The following RNLS variants were observed in gnomAD, a reference collection of about 807,000 sequenced individuals.
The protein encoded by RNLS is renalase.
In RNLS, 39 loss-of-function variants were observed where a neutral mutation model predicts 39.8. The observed-to-expected ratio is 0.98, with a 90% CI of 0.76 to 1.28. RNLS has a LOEUF of 1.28. RNLS is among the 50% of genes most tolerant of loss of function. The probability of loss-of-function intolerance (pLI) is 0.00; values close to 1 mark genes in which losing one functional copy is unlikely to be tolerated. For synonymous variants in RNLS, 147 were observed against 150.7 expected (o/e 0.98, Z 0.18); for missense variants, 410 against 413.3 (o/e 0.99, Z 0.07).
chr10:88,416,460 T>A (rs1340303527), intron 4 of RNLS, among the ~76,000 whole-genome samples: 3 of 151,860 alleles, frequency 2.0e-5, no homozygotes, highest in Admixed American at 6.6e-5. Context: ...TCCATGTTGG[T>A]CAGGCTAGTC....
intron 4 of RNLS, among the ~76,000 whole-genome samples, chr10:88,451,323 T>C (rs1842348198): frequency 6.6e-6 from 1 of 152,124 alleles, no homozygotes; most frequent in African/African-American, 2.4e-5. Context: ...TAGTTGGGGA[T>C]AGAAGTGACT....
At chr10:88,385,304 T>A (rs766302748) in intron 4 of RNLS, among the ~76,000 whole-genome samples, 3 of 152,198 alleles carry the variant, frequency 2.0e-5, no homozygotes, top group Non-Finnish European at 2.9e-5. Flanking sequence ...TCAGGTAAAC[T>A]ATGAAATTAT....
At chr10:88,329,390 G>A (rs535286861) in intron 5 of RNLS, among the ~76,000 whole-genome samples, 1 of 152,126 alleles carries the variant, frequency 6.6e-6, no homozygotes, top group East Asian at 1.9e-4. Context: ...GTCCTTTGCA[G>A]TTAATTTTTC....
In RNLS at chr10:88,518,503, C is replaced by T. The variant is rs564143434; in HGVS notation, c.526+54400G>A. Reference sequence around the variant, plus strand: ...TGTCATTTACATTTGTGACATTTAACAAAATTGCAATTGAATAAATATCAG... The same window carrying T: ...TGTCATTTACATTTGTGACATTTAATAAAATTGCAATTGAATAAATATCAG... On this transcript the variant is annotated intron_variant, in intron 4 of 6. Transcript: ENST00000331772. 4.6e-5 allele frequency among the ~76,000 whole-genome samples: 7 copies of T among 152,030 alleles called. No individual in the cohort carries two copies. In the South Asian group the frequency reaches 1.5e-3, roughly 32 times the overall value.
At chr10:88,575,339 T>G (rs1289493254) in intron 3 of RNLS, among the ~76,000 whole-genome samples, 1 of 151,066 alleles carries the variant, frequency 6.6e-6, no homozygotes, top group Non-Finnish European at 1.5e-5. Flanking sequence ...GCAGCACCTA[T>G]GTACTAGAAA....
chr10:88,371,469 C>T (rs985887575), intron 4 of RNLS, among the ~76,000 whole-genome samples: 3 of 151,974 alleles, frequency 2.0e-5, no homozygotes, highest in Non-Finnish European at 4.4e-5. Context: ...CAAAACTTTA[C>T]GGAGTATTAA....
the RNLS span, among the ~76,000 whole-genome samples, chr10:88,178,861 G>C: frequency 6.6e-6 from 1 of 152,224 alleles, no homozygotes; most frequent in East Asian, 1.9e-4. Context: ...GATTGTTGAG[G>C]GAGCTCTGAG....
chr10:88,399,240 A>T (rs1370006995), intron 4 of RNLS, among the ~76,000 whole-genome samples: 3 of 152,064 alleles, frequency 2.0e-5, no homozygotes, highest in Non-Finnish European at 4.4e-5. Context: ...TTATACATAG[A>T]GTTACCATAT....
the RNLS span, among the ~76,000 whole-genome samples, chr10:88,206,168 T>C: frequency 6.6e-6 from 1 of 152,216 alleles, no homozygotes; most frequent in Non-Finnish European, 1.5e-5. Flanking sequence ...TTCCTTAGCC[T>C]GTGGACTGCA....
At chr10:88,546,201 A>G (rs1039455275) in intron 4 of RNLS, among the ~76,000 whole-genome samples, 21 of 152,104 alleles carry the variant, frequency 1.4e-4, no homozygotes, top group African/African-American at 4.8e-4. Context: ...TTCTTTAAGT[A>G]TCATAAGTAT....
intron 6 of RNLS, among the ~76,000 whole-genome samples, chr10:88,296,277 A>G (rs1284068008): frequency 6.6e-6 from 1 of 152,182 alleles, no homozygotes; most frequent in Non-Finnish European, 1.5e-5. Context: ...TTCCATGGTG[A>G]GTCCAGAGAT....
chr10:88,299,623 T>C (rs1280721845), intron 6 of RNLS, among the ~76,000 whole-genome samples: 1 of 152,154 alleles, frequency 6.6e-6, no homozygotes, highest in Non-Finnish European at 1.5e-5. Flanking sequence ...AGACTCCATT[T>C]CAAAAAAAGA....
At chr10:88,353,840 A>G (rs1397387632) in intron 5 of RNLS, among the ~76,000 whole-genome samples, 1 of 152,132 alleles carries the variant, frequency 6.6e-6, no homozygotes, top group Non-Finnish European at 1.5e-5. Flanking sequence ...ATTGTATGGG[A>G]GTCTAAGTCT....
chr10:88,209,910 T>C, the RNLS span, among the ~76,000 whole-genome samples: 1 of 151,452 alleles, frequency 6.6e-6, no homozygotes, highest in South Asian at 2.1e-4. Context: ...CAGGAGCTGA[T>C]AAATTAGGAA....
At chr10:88,565,681 A>T (rs1478950815) in intron 4 of RNLS, among the ~76,000 whole-genome samples, 1 of 152,062 alleles carries the variant, frequency 6.6e-6, no homozygotes, top group East Asian at 1.9e-4. Flanking sequence ...ACTAAAAAAA[A>T]AGGAAAGAAG....
intron 6 of RNLS, among the ~76,000 whole-genome samples, chr10:88,278,791 G>C (rs1413236263): frequency 6.6e-6 from 1 of 152,140 alleles, no homozygotes; most frequent in African/African-American, 2.4e-5. Flanking sequence ...AGCAAATATA[G>C]ATACTATTGT....
intron 4 of RNLS, among the ~76,000 whole-genome samples, chr10:88,515,842 T>G (rs1846376794): frequency 1.3e-5 from 2 of 151,964 alleles, no homozygotes; most frequent in Admixed American, 1.3e-4. Flanking sequence ...TAAGTTCATG[T>G]GTTGAAGCCC....
chr10:88,507,899 T>C (rs1845884807), intron 4 of RNLS, among the ~76,000 whole-genome samples: 1 of 152,142 alleles, frequency 6.6e-6, no homozygotes, highest in African/African-American at 2.4e-5. Context: ...GTCTCTACAA[T>C]TGATAACAGT....
chr10:88,549,193 A>G (rs1848490660), intron 4 of RNLS, among the ~76,000 whole-genome samples: 1 of 152,168 alleles, frequency 6.6e-6, no homozygotes, highest in South Asian at 2.1e-4. Flanking sequence ...ATGTAAAAAT[A>G]TTATTTTTAA....
Sources: gnomAD v4.1 joint callset for allele counts (sites outside exome capture counted in the v4.1 genomes callset) on GRCh38, gnomAD v4.1.1 for gene constraint, MANE v1.5 for transcripts, NCBI Gene and HGNC (gene_info 2026-07-23, HGNC 2026-07-21) for gene names.